The following DYNC1I1 variants were observed in gnomAD, a reference collection of about 807,000 sequenced individuals.
DYNC1I1 encodes the protein cytoplasmic dynein 1 intermediate chain 1.
In DYNC1I1, 43 loss-of-function variants were observed where a neutral mutation model predicts 86.6. The ratio of observed to expected loss-of-function variants is 0.50; its 90% CI spans 0.39 to 0.64. DYNC1I1 has a LOEUF of 0.64. DYNC1I1 is among the 30% of genes least tolerant of loss of function. DYNC1I1 has a pLI of 0.00. For missense variants in DYNC1I1, 604 were observed against 788.8 expected (o/e 0.77, Z 2.81); for synonymous variants, 262 against 283.7 (o/e 0.92, Z 0.77).
chr7:96,065,002 A>G (rs1365163987), intron 14 of DYNC1I1, among the ~76,000 whole-genome samples: 4 of 152,050 alleles, frequency 2.6e-5, no homozygotes, highest in Non-Finnish European at 5.9e-5. Context: ...GTGGTTGATG[A>G]TTAGATGGGT....
intron 1 of DYNC1I1, among the ~76,000 whole-genome samples, chr7:95,776,952 G>T (rs1360210568): frequency 6.6e-6 from 1 of 152,186 alleles, no homozygotes; most frequent in Non-Finnish European, 1.5e-5. Context: ...AAGTCACTTG[G>T]TCAAGGCCAT....
intron 9 of DYNC1I1, among the ~76,000 whole-genome samples, chr7:95,994,445 A>G (rs1337312135): frequency 6.6e-6 from 1 of 152,208 alleles, no homozygotes; most frequent in Admixed American, 6.5e-5. Flanking sequence ...GATTGTCTGG[A>G]GGACTTGATG....
At chr7:95,977,103 G>T (rs1793325173) in intron 6 of DYNC1I1, among the ~76,000 whole-genome samples, 1 of 152,146 alleles carries the variant, frequency 6.6e-6, no homozygotes, top group Non-Finnish European at 1.5e-5. Flanking sequence ...AATTTGGTGA[G>T]AATTAAATTG....
intron 6 of DYNC1I1, among the ~76,000 whole-genome samples, chr7:95,894,395 A>G (rs758953358): frequency 6.6e-6 from 1 of 151,712 alleles, no homozygotes; most frequent in Admixed American, 6.6e-5. Context: ...ATCCCCAGTT[A>G]TCTCCCAAAG....
chr7:95,966,926 GCT>G (rs1394818924), intron 6 of DYNC1I1, among the ~76,000 whole-genome samples: 5 of 152,166 alleles, frequency 3.3e-5, no homozygotes, highest in Non-Finnish European at 5.9e-5. Context: ...TGGTGGTGGG[GCT>G]TAGTGATCAA....
chr7:95,946,997 T>C (rs1395779594), intron 6 of DYNC1I1, among the ~76,000 whole-genome samples: 1 of 152,102 alleles, frequency 6.6e-6, no homozygotes, highest in Non-Finnish European at 1.5e-5. Context: ...AGGAAGACAG[T>C]TCTGGATTAC....
chr7:96,088,975 A>T (rs1790762634), intron 16 of DYNC1I1, among the ~76,000 whole-genome samples: 1 of 152,088 alleles, frequency 6.6e-6, no homozygotes, highest in Admixed American at 6.6e-5. Flanking sequence ...CTAGTAGATA[A>T]ATCAGTGGCC....
chr7:96,080,837 C>T (rs971477039), intron 16 of DYNC1I1, among the ~76,000 whole-genome samples: 5 of 151,872 alleles, frequency 3.3e-5, no homozygotes, highest in South Asian at 2.1e-4. Context: ...TTTGGGAGGC[C>T]GTGGCAGGTG....
chr7:95,980,746 G>C (rs962705257), intron 7 of DYNC1I1, among the ~76,000 whole-genome samples: 9 of 151,156 alleles, frequency 6.0e-5, no homozygotes, highest in Non-Finnish European at 5.9e-5. Context: ...GTATATTTTA[G>C]CTTATAATCA....
At chr7:95,780,015 T>C (rs917028019) in intron 1 of DYNC1I1, among the ~76,000 whole-genome samples, 2 of 152,192 alleles carry the variant, frequency 1.3e-5, no homozygotes, top group African/African-American at 4.8e-5. Context: ...TTTTCCTTTT[T>C]GAACCCCTTA....
At chr7:96,097,237 G>A (rs551921452) in intron 16 of DYNC1I1, among the ~76,000 whole-genome samples, 1 of 152,224 alleles carries the variant, frequency 6.6e-6, no homozygotes, top group South Asian at 2.1e-4. Context: ...AGTTTGCATA[G>A]GTTTTTAAAG....
chr7:96,040,768 C>A (rs1193707116), intron 14 of DYNC1I1, among the ~76,000 whole-genome samples: 11 of 150,426 alleles, frequency 7.3e-5, no homozygotes, highest in Non-Finnish European at 1.6e-4. Context: ...GTCACCCAGG[C>A]TGGAGTGCAA....
intron 3 of DYNC1I1, among the ~76,000 whole-genome samples, chr7:95,811,817 T>C (rs1794837286): frequency 6.6e-6 from 1 of 152,308 alleles, no homozygotes; most frequent in East Asian, 1.9e-4. Context: ...TGATATGAGT[T>C]AGACACATTG....
Position 95,813,317 on chromosome 7 carries a change from C to T in DYNC1I1, c.294C>T (p.Gly98=), listed in dbSNP as rs145885345. 563 of 1,610,706 alleles carry T rather than the reference C, an allele frequency of 3.5e-4. No homozygotes were observed. The highest frequency in any genetic ancestry group is 4.5e-4 in the Non-Finnish European group (534 of 1,179,206). ...TPSEAGSQDS[G]DLGPLTRTLQ... ...GTGAAGCTGGAAGCCAAGACTCAGGCGATCTGGGGCCATTAACAAGGTAAG... is the reference window on the plus strand; with the variant it reads ...GTGAAGCTGGAAGCCAAGACTCAGGTGATCTGGGGCCATTAACAAGGTAAG... The change falls in exon 4 of 17, where the codon GGC becomes GGT. Residue 98 remains glycine, a synonymous_variant. Transcript: ENST00000447467.
At chr7:95,959,862 A>G (rs1478790474) in intron 6 of DYNC1I1, among the ~76,000 whole-genome samples, 1 of 152,216 alleles carries the variant, frequency 6.6e-6, no homozygotes, top group East Asian at 1.9e-4. Context: ...ATGTTAGCCA[A>G]GTTAGCAGCA....
intron 6 of DYNC1I1, among the ~76,000 whole-genome samples, chr7:95,909,245 G>GGGGT: frequency 5.0e-5 from 1 of 20,190 alleles, no homozygotes; most frequent in Middle Eastern, 0.029. Context: ...GAGGGGGGTG[G>GGGGT]GGGGGGGGGG....
chr7:95,951,685 C>T (rs530112427), intron 6 of DYNC1I1, among the ~76,000 whole-genome samples: 4 of 152,278 alleles, frequency 2.6e-5, no homozygotes, highest in South Asian at 4.1e-4. Flanking sequence ...TTCCATGACA[C>T]GACGGTATCA....
chr7:95,927,889 T>C (rs1791787167), intron 6 of DYNC1I1, among the ~76,000 whole-genome samples: 1 of 152,142 alleles, frequency 6.6e-6, no homozygotes, highest in Non-Finnish European at 1.5e-5. Flanking sequence ...CGCTAGTTAT[T>C]TGTTGACTTC....
chr7:95,994,835 A>C (rs151128394), intron 9 of DYNC1I1, among the ~76,000 whole-genome samples: 16 of 152,350 alleles, frequency 1.1e-4, no homozygotes, highest in African/African-American at 3.6e-4. Context: ...TGCTGCCTTC[A>C]TCCAGATAAG....
Sources: gnomAD v4.1 joint callset for allele counts (sites outside exome capture counted in the v4.1 genomes callset) on GRCh38, gnomAD v4.1.1 for gene constraint, MANE v1.5 for transcripts, NCBI Gene and HGNC (gene_info 2026-07-23, HGNC 2026-07-21) for gene names.